MAN2A1: variants seen among roughly 807,000 people sequenced by gnomAD.
MAN2A1 encodes the protein mannosidase alpha class 2A member 1, also known as alpha-mannosidase 2.
A neutral mutation model predicts 142.6 loss-of-function variants in MAN2A1; 76 were observed. The observed-to-expected ratio is 0.53, with a 90% CI of 0.44 to 0.65. MAN2A1 has a LOEUF of 0.65. MAN2A1 is among the 30% of genes least tolerant of loss of function. The pLI is 0.00. For synonymous variants in MAN2A1, 559 were observed against 473.2 expected (o/e 1.18, Z -2.35); for missense variants, 1,311 against 1,365.1 (o/e 0.96, Z 0.62).
chr5:109,807,660 C>T (rs1231306486), intron 12 of MAN2A1, among the ~76,000 whole-genome samples: 1 of 152,066 alleles, frequency 6.6e-6, no homozygotes, highest in Non-Finnish European at 1.5e-5. Context: ...TACATTGGGC[C>T]CACCTAGACA....
chr5:109,735,356 C>T (rs1331109543), intron 4 of MAN2A1, among the ~76,000 whole-genome samples: 6 of 152,250 alleles, frequency 3.9e-5, no homozygotes, highest in Admixed American at 2.0e-4. Flanking sequence ...TTAATTGGAG[C>T]ATTTAGTCTA....
rs535775409 is a variant in MAN2A1, at chr5:109,774,536, A to T, written c.1197-252A>T. Reference sequence around the variant, plus strand: ...GACCATATTTCTCCAAAGATAATCCATTGGAAACCTATGAGTTTTTCCTTC... The same window carrying T: ...GACCATATTTCTCCAAAGATAATCCTTTGGAAACCTATGAGTTTTTCCTTC... On this transcript the variant is annotated intron_variant, in intron 7 of 21. Transcript: ENST00000261483. 3.3e-5 allele frequency among the ~76,000 whole-genome samples: 5 copies of T among 152,252 alleles called. No individual in the cohort carries two copies. In the East Asian group the frequency reaches 9.7e-4, roughly 29 times the overall value.
Position 109,817,323 on chromosome 5 carries a change from C to T in MAN2A1, c.1994C>T (p.Ser665Leu). The T allele has an allele frequency of 6.2e-7, 1 of 1,614,096 alleles. No individual in the cohort carries two copies. The highest frequency in any genetic ancestry group is 8.5e-7 in the Non-Finnish European group (1 of 1,180,000). Residue 665 changes from serine (S) to leucine (L), a missense_variant, in exon 13 of 22, where the codon TCA becomes TTA. This residue lies in a region of MAN2A1 where 890 missense variants were observed against 920.5 expected (regional missense o/e 0.97). Coordinates refer to ENST00000261483, the MANE Select transcript of MAN2A1 (RefSeq NM_002372.4). ...PLEQDRISLV[S>L]VYVSSPTVQV... is the part of the protein sequence containing the mutation. ...GAACAAGACCGAATCTCGTTGGTCTCAGTCTATGTGAGTTCCCCGACAGTG... is the reference window on the plus strand; with the variant it reads ...GAACAAGACCGAATCTCGTTGGTCTTAGTCTATGTGAGTTCCCCGACAGTG...
chr5:109,847,566 T>C (rs922906401), intron 18 of MAN2A1, 91 bp from the exon 19 acceptor site: 1 of 1,151,076 alleles, frequency 8.7e-7, no homozygotes, highest in African/African-American at 1.6e-5. Flanking sequence ...TTTAGAGCAA[T>C]ACATCATGAC....
intron 16 of MAN2A1, among the ~76,000 whole-genome samples, chr5:109,832,305 G>A (rs1754932521): frequency 6.6e-6 from 1 of 151,642 alleles, no homozygotes; most frequent in Non-Finnish European, 1.5e-5. Flanking sequence ...GGTTTTCCTA[G>A]GCAGAGGACC....
At chr5:109,771,737 G>T (rs115562110) in intron 7 of MAN2A1, among the ~76,000 whole-genome samples, 15 of 152,292 alleles carry the variant, frequency 9.8e-5, no homozygotes, top group African/African-American at 3.6e-4. Flanking sequence ...ACCCTGGCCT[G>T]TGTAGGTGGG....
At chr5:109,690,748 T>G (rs1750644852) in intron 1 of MAN2A1, among the ~76,000 whole-genome samples, 196 bp downstream of exon 1, 2 of 152,026 alleles carry the variant, frequency 1.3e-5, no homozygotes, top group African/African-American at 4.8e-5. Context: ...GTTAACAAAG[T>G]GCTGGGCGGC....
intron 4 of MAN2A1, among the ~76,000 whole-genome samples, chr5:109,747,416 A>G (rs1752436533): frequency 6.6e-6 from 1 of 152,100 alleles, no homozygotes. Flanking sequence ...GTTTTCTGTG[A>G]TATCGTTTTT....
rs755250615 is a variant in MAN2A1 at position 109,789,544 on chromosome 5, T to C, written c.1943+17T>C. 3 of 1,513,696 alleles carry C rather than the reference T, an allele frequency of 2.0e-6. No individual in the cohort carries two copies. The highest frequency in any genetic ancestry group is 4.6e-5 in the East Asian group (2 of 43,016). 93.8% of individuals were successfully genotyped at this position (1,513,696 alleles called of 1,614,324 possible). A position where few individuals can be genotyped will look rare whatever the true frequency, so the allele number is the denominator to read the frequency against. On this transcript the variant is annotated intron_variant, in intron 12 of 21. Transcript: ENST00000261483. ...GGAGCCAAGGTAAATTCATAATTTCTTACAAATGTTTACCACTTTCTGGCT... is the reference window on the plus strand; with the variant it reads ...GGAGCCAAGGTAAATTCATAATTTCCTACAAATGTTTACCACTTTCTGGCT...
At position 109,781,330 on chromosome 5, in the gene MAN2A1, A is replaced by G; in HGVS notation, c.1375-66A>G. ...TAAATATTTATTATTAACTTTCCCT[A>G]ACAGTGTAAGAAGTAAATAATTTTA... On this transcript the variant is annotated intron_variant, in intron 8 of 21. Transcript: ENST00000261483. 3 of 851,034 alleles carry G rather than the reference A, an allele frequency of 3.5e-6. No homozygotes were observed. In the Admixed American group the frequency reaches 9.1e-5, roughly 26 times the overall value. The allele number at this position is 851,034 out of a possible 1,614,324, so 52.7% of individuals were successfully genotyped here. A position where few individuals can be genotyped will look rare whatever the true frequency, so the allele number is the denominator to read the frequency against.
At chr5:109,826,352 G>T (rs1268802291) in intron 16 of MAN2A1, among the ~76,000 whole-genome samples, 1 of 152,122 alleles carries the variant, frequency 6.6e-6, no homozygotes, top group African/African-American at 2.4e-5. Flanking sequence ...TACAGTAGTT[G>T]CCTGGATTAA....
chr5:109,734,303 G>GAA lies in MAN2A1; in HGVS notation c.707+4802_707+4803dup, dbSNP rs71626619. ...GGTCTATCAATTTTGTTGATCTTTT[G>GAA]AAAAAAAAAAAAACCAGCTGCTGGA... On this transcript the variant is annotated intron_variant, in intron 4 of 21. Transcript: ENST00000261483. 5.7e-4 allele frequency among the ~76,000 whole-genome samples: 77 copies of GAA among 135,846 alleles called. 1 individual carries two copies. The highest frequency in any genetic ancestry group is 7.4e-3 in the Middle Eastern group (2 of 270). 89.1% of individuals were successfully genotyped at this position (135,846 alleles called of 152,430 possible).
At chr5:109,731,170 T>C (rs1411472490) in intron 4 of MAN2A1, among the ~76,000 whole-genome samples, 1 of 151,998 alleles carries the variant, frequency 6.6e-6, no homozygotes, top group Non-Finnish European at 1.5e-5. Flanking sequence ...ATCAGGGTCA[T>C]TGGGATATCT....
intron 1 of MAN2A1, among the ~76,000 whole-genome samples, chr5:109,690,883 C>T (rs1227369455): frequency 6.6e-6 from 1 of 152,102 alleles, no homozygotes; most frequent in Admixed American, 6.5e-5. Context: ...TGAGGCACCC[C>T]CCGCCAGCCC....
chr5:109,739,925 G>A (rs1752218862), intron 4 of MAN2A1, among the ~76,000 whole-genome samples: 1 of 152,198 alleles, frequency 6.6e-6, no homozygotes, highest in African/African-American at 2.4e-5. Flanking sequence ...CGAAGTGAGG[G>A]CTGACAGATG....
intron 7 of MAN2A1, among the ~76,000 whole-genome samples, chr5:109,773,460 C>T (rs954669170): frequency 5.3e-5 from 8 of 152,002 alleles, no homozygotes; most frequent in African/African-American, 1.4e-4. Flanking sequence ...TATTTTTACT[C>T]ATTTTTTTTT....
intron 7 of MAN2A1, 49 bp from the exon 8 acceptor site, chr5:109,774,739 C>T: frequency 2.1e-6 from 3 of 1,399,936 alleles, no homozygotes; most frequent in East Asian, 2.4e-5. Context: ...TTCACTTTTT[C>T]TTAGTCAAAT....
rs754887110 is a variant in MAN2A1 at position 109,770,363 on chromosome 5, T to C, written c.1018T>C (p.Ser340Pro). ...FFWRQNWDLGSVTDILCHMMP... is the reference protein window; with the variant it reads ...FFWRQNWDLGPVTDILCHMMP... ...TTGGCTCTTTATTTTAGATCTGGGATCTGTCACAGATATTTTATGCCACAT... is the reference window on the plus strand; with the variant it reads ...TTGGCTCTTTATTTTAGATCTGGGACCTGTCACAGATATTTTATGCCACAT... The change falls in exon 7 of 22, where the codon TCT becomes CCT. Residue 340 changes from serine (S) to proline (P), a missense_variant. Coordinates refer to ENST00000261483, the MANE Select transcript of MAN2A1 (RefSeq NM_002372.4). The C allele has an allele frequency of 7.4e-6, 12 of 1,611,694 alleles. No homozygotes were observed. The Admixed American group carries it at 2.0e-4, about 27-fold the overall frequency.
Position 109,823,850 on chromosome 5 carries a change from G to A in MAN2A1, c.2566+13G>A, listed in dbSNP as rs760829553. On this transcript the variant is annotated intron_variant, in intron 16 of 21. Transcript: ENST00000261483. ...TACCACATACAGGGTAAGAAAATAG[G>A]AATGCAGTTATGAAACATATGTATT... 10 of 1,315,666 alleles carry A rather than the reference G, an allele frequency of 7.6e-6. No homozygotes were observed. The highest frequency in any genetic ancestry group is 9.5e-6 in the Non-Finnish European group (9 of 947,344). The allele number at this position is 1,315,666 out of a possible 1,614,324, so 81.5% of individuals were successfully genotyped here.
Sources: allele counts gnomAD v4.1 joint callset (sites outside exome capture counted in the v4.1 genomes callset), GRCh38; gene constraint gnomAD v4.1.1; regional missense constraint gnomAD v4.1.1; transcripts MANE v1.5; gene names NCBI Gene and HGNC (gene_info 2026-07-23, HGNC 2026-07-21).